The following ECT2L variants were observed in gnomAD, a reference collection of about 807,000 sequenced individuals.
ECT2L encodes the protein epithelial cell transforming 2 like.
A neutral mutation model predicts 122.8 loss-of-function variants in ECT2L; 126 were observed. The ratio of observed to expected loss-of-function variants is 1.03; its 90% CI spans 0.89 to 1.19. The LOEUF is 1.19. Among genes scored for constraint, ECT2L ranks in the 50% most tolerant of loss-of-function variants. The pLI is 0.00. For missense variants in ECT2L, 1,012 were observed against 1,064.1 expected (o/e 0.95, Z 0.68); for synonymous variants, 385 against 381.8 (o/e 1.01, Z -0.10).
At chr6:138,891,386 G>T (rs960330987) in intron 20 of ECT2L, among the ~76,000 whole-genome samples, 2 of 152,150 alleles carry the variant, frequency 1.3e-5, no homozygotes, top group African/African-American at 4.8e-5. Flanking sequence ...AGATTCAGCT[G>T]AGAGTATGTT....
At position 138,854,085 on chromosome 6, in the gene ECT2L, T is replaced by C; in HGVS notation, c.1129T>C (p.Leu377=). ...RPEVRDFWEK[L]GSYVATEEEG... The stretch of plus-strand genomic sequence containing the variant: ...TGAAGTGAGAGATTTCTGGGAGAAA[T>C]TAGGAAGCTATGTGGCCACTGAAGA... The change falls in exon 10 of 22, where the codon TTA becomes CTA. Residue 377 remains leucine, a synonymous_variant. Transcript: ENST00000541398. 1 of 1,614,080 alleles carries C rather than the reference T, an allele frequency of 6.2e-7. No individual in the cohort carries two copies. Among genetic ancestry groups the C allele is most frequent in the Non-Finnish European group, 8.5e-7 (1 of 1,180,006 alleles).
chr6:138,868,016 A>AAG (rs67818968), intron 12 of ECT2L, 87 bp from the exon 13 acceptor site: 56,501 of 698,176 alleles, frequency 0.081, 2,266 homozygotes, highest in Non-Finnish European at 0.097. Flanking sequence ...AAAAAAAAAA[A>AAG]AAAGAAACTG....
intron 6 of ECT2L, 113 bp from the exon 7 acceptor site, chr6:138,844,299 G>A: frequency 2.4e-6 from 3 of 1,258,444 alleles, no homozygotes; most frequent in Non-Finnish European, 3.3e-6. Flanking sequence ...TGTAATTATT[G>A]TCATTTGGAA....
rs78914978 is a variant in ECT2L, at chr6:138,880,788, T to C, written c.1666-169T>C. On this transcript the variant is annotated intron_variant, in intron 14 of 21. Coordinates refer to ENST00000541398, the MANE Select transcript of ECT2L (RefSeq NM_001077706.3). ...GGCTGGCCCCATATGAGGGGCTCTT[T>C]GATGATACTAGGGACAAGTGATGGA... is the stretch of plus-strand genomic sequence containing the variant. Among the ~76,000 whole-genome samples the C allele has an allele frequency of 8.4e-3, 1,286 of 152,320 alleles. 21 individuals carry two copies. Among genetic ancestry groups the C allele is most frequent in the African/African-American group, 0.029 (1,198 of 41,572 alleles).
rs187516396 is a variant in ECT2L at position 138,821,136 on chromosome 6, G to T, written c.179+6533G>T. ...GAACACAGACCACATGAGCTGTCTCGTCCCTTCTAGTCTCAGTGCAATGAA... is the reference window on the plus strand; with the variant it reads ...GAACACAGACCACATGAGCTGTCTCTTCCCTTCTAGTCTCAGTGCAATGAA... On this transcript the variant is annotated intron_variant, in intron 4 of 21. Coordinates refer to ENST00000541398, the MANE Select transcript of ECT2L (RefSeq NM_001077706.3). Among the ~76,000 whole-genome samples the T allele has an allele frequency of 7.9e-5, 12 of 152,314 alleles. No homozygotes were observed. The East Asian group carries it at 1.9e-3, about 24-fold the overall frequency.
intron 18 of ECT2L, among the ~76,000 whole-genome samples, chr6:138,886,171 T>C (rs557108047): frequency 1.2e-4 from 18 of 151,958 alleles, no homozygotes; most frequent in Non-Finnish European, 2.2e-4. Context: ...TTTCAATGCA[T>C]TAATTAGCTT....
At chr6:138,840,056 G>C (rs1300401672) in intron 5 of ECT2L, among the ~76,000 whole-genome samples, 1 of 152,054 alleles carries the variant, frequency 6.6e-6, no homozygotes, top group Non-Finnish European at 1.5e-5. Flanking sequence ...TTTTATATAT[G>C]TACTATATAC....
At position 138,870,072 on chromosome 6, in the gene ECT2L, T is replaced by G. The variant is rs994026979; in HGVS notation, c.1578+1866T>G. Reference sequence around the variant, plus strand: ...TTTCTGGACATGTCAATTAATTAGGTAGAAAGCTGAAATCCCTGCTAAAAA... The same window carrying G: ...TTTCTGGACATGTCAATTAATTAGGGAGAAAGCTGAAATCCCTGCTAAAAA... On this transcript the variant is annotated intron_variant, in intron 13 of 21. Transcript: ENST00000541398. 2.6e-5 allele frequency: 4 copies of G among 152,450 alleles called. No individual in the cohort carries two copies. The South Asian group carries it at 6.2e-4, about 24-fold the overall frequency. 9.4% of individuals were successfully genotyped at this position (152,450 alleles called of 1,614,324 possible).
chr6:138,846,634 G>T lies in ECT2L; in HGVS notation c.860G>T (p.Arg287Leu), dbSNP rs763660220. The T allele has an allele frequency of 1.2e-6, 2 of 1,610,198 alleles. No homozygotes were observed. The highest frequency in any genetic ancestry group is 1.7e-6 in the Non-Finnish European group (2 of 1,178,388). Reference sequence around the variant, plus strand: ...GATGACAGATCTTCATATGCTCTCCGGCCACACTTCATGTTAATATCATCC... The same window carrying T: ...GATGACAGATCTTCATATGCTCTCCTGCCACACTTCATGTTAATATCATCC... The part of the protein sequence containing the change: ...KNDDRSSYAL[R>L]PHFMLISSRI... The change falls in exon 8 of 22, where the codon CGG becomes CTG. Residue 287 changes from arginine (R) to leucine (L), a missense_variant. Physicochemically the swap from Arg to Leu is moderately radical, Grantham distance 102. Transcript: ENST00000541398.
chr6:138,826,284 A>T (rs10872493), intron 4 of ECT2L, among the ~76,000 whole-genome samples: 55,013 of 152,030 alleles, frequency 0.36, 10,212 homozygotes, highest in Admixed American at 0.47. Flanking sequence ...ATTTCCCCCC[A>T]ACATACATAC....
At chr6:138,898,060 T>TA (rs5880406) in intron 20 of ECT2L, among the ~76,000 whole-genome samples, 51,175 of 149,528 alleles carry the variant, frequency 0.34, 10,297 homozygotes, top group Admixed American at 0.47. Flanking sequence ...ATGGATATGG[T>TA]AAAAAAAAAA....
chr6:138,852,460 A>G (rs1461214478), intron 9 of ECT2L, among the ~76,000 whole-genome samples: 2 of 152,176 alleles, frequency 1.3e-5, no homozygotes, highest in Non-Finnish European at 2.9e-5. Flanking sequence ...AACTTACTCA[A>G]ATGAAATCTT....
At chr6:138,834,363 TTTTC>T (rs1415493685) in intron 4 of ECT2L, among the ~76,000 whole-genome samples, 22 of 152,158 alleles carry the variant, frequency 1.4e-4, no homozygotes, top group African/African-American at 4.8e-4. Flanking sequence ...ACGGAAGCAT[TTTTC>T]TTTCTTCTTA....
At chr6:138,871,162 G>A (rs1042783771) in intron 13 of ECT2L, among the ~76,000 whole-genome samples, 4 of 152,202 alleles carry the variant, frequency 2.6e-5, no homozygotes, top group South Asian at 2.1e-4. Context: ...GAAATGCTGA[G>A]AATTACATTG....
intron 4 of ECT2L, among the ~76,000 whole-genome samples, chr6:138,831,926 A>G (rs1293732738): frequency 6.6e-6 from 1 of 152,252 alleles, no homozygotes; most frequent in African/African-American, 2.4e-5. Flanking sequence ...AAAGACATAT[A>G]TATGCATAGA....
At chr6:138,890,361 C>G (rs1778972637) in intron 20 of ECT2L, among the ~76,000 whole-genome samples, 1 of 152,130 alleles carries the variant, frequency 6.6e-6, no homozygotes, top group South Asian at 2.1e-4. Context: ...CTCAAAGGCA[C>G]AGGGTAGCAG....
chr6:138,872,260 C>A (rs1778283231), intron 13 of ECT2L, among the ~76,000 whole-genome samples: 1 of 152,180 alleles, frequency 6.6e-6, no homozygotes, highest in South Asian at 2.1e-4. Context: ...AGGCAGAGGG[C>A]AATTCCTCAT....
At chr6:138,884,405 A>T (rs1000494034) in intron 16 of ECT2L, among the ~76,000 whole-genome samples, 1 of 152,120 alleles carries the variant, frequency 6.6e-6, no homozygotes, top group Admixed American at 6.5e-5. Context: ...TGAGAGGCCT[A>T]GGCAGGTGGA....
At chr6:138,855,353 GA>G (rs1348957413) in intron 10 of ECT2L, among the ~76,000 whole-genome samples, 1 of 151,180 alleles carries the variant, frequency 6.6e-6, no homozygotes, top group Non-Finnish European at 1.5e-5. Flanking sequence ...ACTAAAAATA[GA>G]AAAAAATAGC....
Sources: allele counts gnomAD v4.1 joint callset (sites outside exome capture counted in the v4.1 genomes callset), GRCh38; gene constraint gnomAD v4.1.1; transcripts MANE v1.5; gene names NCBI Gene and HGNC (gene_info 2026-07-23, HGNC 2026-07-21).